Variants in MITF observed in about 807,000 individuals in gnomAD.
MITF encodes microphthalmia-associated transcription factor.
MITF carries 17 observed loss-of-function variants against 60.5 expected under a neutral mutation model. The ratio of observed to expected loss-of-function variants is 0.28; its 90% CI spans 0.19 to 0.42. The LOEUF is 0.42. Among genes scored for constraint, MITF ranks in the 10% least tolerant of loss-of-function variants. The pLI is 1.00. For missense variants in MITF, 622 were observed against 683.5 expected, an observed-to-expected ratio of 0.91 and a Z score of 1.00; for synonymous variants, 260 against 248.5, an observed-to-expected ratio of 1.05 and a Z score of -0.43.
chr3:69,870,748 T>G (rs1301391907), intron 1 of MITF, among the ~76,000 whole-genome samples: 4 of 152,156 alleles, frequency 2.6e-5, no homozygotes, highest in Non-Finnish European at 4.4e-5. Context: ...GCACTTCTGT[T>G]ATCTACTTAA....
rs112806519 is a variant in MITF at position 69,786,880 on chromosome 3, C to A, written c.104+47179C>A. Among the ~76,000 whole-genome samples, 648 of 152,286 alleles carry A rather than the reference C, an allele frequency of 4.3e-3. 6 individuals are homozygous for A. Among genetic ancestry groups the A allele is most frequent in the African/African-American group, 0.014 (598 of 41,538 alleles). On this transcript the variant is annotated intron_variant, in intron 1 of 9. Coordinates refer to ENST00000352241, the MANE Select transcript of MITF (RefSeq NM_001354604.2). ...TTCATTTAGGTGAAGAGTCCACATC[C>A]TTTTGGACTTGCTTTGAGTATCATG...
intron 1 of MITF, among the ~76,000 whole-genome samples, chr3:69,829,243 A>T (rs2107087579): frequency 6.6e-6 from 1 of 152,310 alleles, no homozygotes; most frequent in South Asian, 2.1e-4. Flanking sequence ...AGTTAAAAAG[A>T]CAAACAAACT....
At chr3:69,792,781 A>G (rs942819117) in intron 1 of MITF, among the ~76,000 whole-genome samples, 2 of 151,936 alleles carry the variant, frequency 1.3e-5, no homozygotes, top group Non-Finnish European at 2.9e-5. Context: ...TTTTATCACA[A>G]TTTATTCATA....
intron 2 of MITF, among the ~76,000 whole-genome samples, chr3:69,928,716 A>C (rs2065649144): frequency 6.6e-6 from 1 of 152,118 alleles, no homozygotes; most frequent in Admixed American, 6.5e-5. Flanking sequence ...AAAACTCCCA[A>C]TTTTTCATCA....
intron 1 of MITF, among the ~76,000 whole-genome samples, chr3:69,788,737 C>T (rs2062692430): frequency 6.6e-6 from 1 of 152,136 alleles, no homozygotes; most frequent in Non-Finnish European, 1.5e-5. Context: ...GTGGTATTGA[C>T]ATAAAGACAC....
At chr3:69,938,242 A>ACATGACGGGAGACCTGGCCCTCT in intron 3 of MITF, 193 bp downstream of exon 3, 1 of 1,141,758 alleles carries the variant, frequency 8.8e-7, no homozygotes. Flanking sequence ...GGTGTAGAGC[A>ACATGACGGGAGACCTGGCCCTCT]CATGACGGGA....
rs554865118 is a variant in MITF at position 69,948,087 on chromosome 3, A to G, written c.763-964A>G. On this transcript the variant is annotated intron_variant, in intron 5 of 9. Transcript: ENST00000352241. ...AAGAAATGGGAGGGCTAAACGACTT[A>G]AAGTCTTACCCAGTAATCATGGTTA... Among the ~76,000 whole-genome samples, 134 of 152,326 alleles carry G rather than the reference A, an allele frequency of 8.8e-4. 1 individual carries two copies. Among genetic ancestry groups the G allele is most frequent in the African/African-American group, 3.0e-3 (126 of 41,574 alleles).
At chr3:69,883,689 G>A (rs868504537) in intron 2 of MITF, among the ~76,000 whole-genome samples, 72 of 152,276 alleles carry the variant, frequency 4.7e-4, no homozygotes, top group African/African-American at 1.7e-3. Context: ...CATGGTGGCT[G>A]CAAGAAGCCA....
intron 3 of MITF, 114 bp from the exon 4 acceptor site, chr3:69,938,982 CTT>C: frequency 6.5e-7 from 1 of 1,546,084 alleles, no homozygotes; most frequent in Non-Finnish European, 8.7e-7. Flanking sequence ...TCAGATTCCA[CTT>C]TGTTTGAAAG....
At chr3:69,805,540 C>G (rs75308677) in intron 1 of MITF, among the ~76,000 whole-genome samples, 21,622 of 152,074 alleles carry the variant, frequency 0.14, 1,772 homozygotes, top group South Asian at 0.2. Flanking sequence ...TTGTTGTTAT[C>G]TTTTCCGCTG....
chr3:69,799,517 G>A (rs948533259), intron 1 of MITF, among the ~76,000 whole-genome samples: 3 of 152,060 alleles, frequency 2.0e-5, no homozygotes, highest in Non-Finnish European at 2.9e-5. Flanking sequence ...AGGATGCCAC[G>A]TCTATCTGTT....
intron 1 of MITF, among the ~76,000 whole-genome samples, chr3:69,786,105 A>G (rs113428427): frequency 3.7e-4 from 56 of 152,368 alleles, no homozygotes; most frequent in African/African-American, 1.3e-3. Flanking sequence ...GTATGCTTTA[A>G]GTAGCACATT....
intron 2 of MITF, chr3:69,936,586 G>A: frequency 6.6e-7 from 1 of 1,522,398 alleles, no homozygotes; most frequent in African/African-American, 1.4e-5. Flanking sequence ...CTGTGATAAA[G>A]TTTCCGGTGG....
At chr3:69,947,842 C>T (rs969024002) in intron 5 of MITF, among the ~76,000 whole-genome samples, 8 of 152,068 alleles carry the variant, frequency 5.3e-5, no homozygotes, top group Admixed American at 2.0e-4. Context: ...GAGGCTATCA[C>T]AGAAATAGAT....
In MITF at chr3:69,965,127, A is replaced by T; in HGVS notation, c.1460A>T (p.Asp487Val). Reference protein sequence around the residue: ...MGSKLEDILMDDTLSPVGVTD... With the variant: ...MGSKLEDILMVDTLSPVGVTD... Reference sequence around the variant, plus strand: ...TCCAAACTGGAAGACATCCTGATGGACGACACCCTTTCTCCCGTCGGTGTC... The same window carrying T: ...TCCAAACTGGAAGACATCCTGATGGTCGACACCCTTTCTCCCGTCGGTGTC... The change falls in exon 10 of 10, where the codon GAC becomes GTC. Residue 487 changes from aspartate to valine, a missense_variant. By Grantham distance (152) the Asp-to-Val change is radical (BLOSUM62 -3). Around this residue, in one of 5 missense-constraint regions of MITF, gnomAD observed 224 missense variants for 209.5 expected, o/e 1.07. Transcript: ENST00000352241. 1.9e-6 allele frequency: 3 copies of T among 1,614,108 alleles called. No homozygotes were observed. The highest frequency in any genetic ancestry group is 2.5e-6 in the Non-Finnish European group (3 of 1,180,020).
At chr3:69,786,343 C>G (rs953684539) in intron 1 of MITF, among the ~76,000 whole-genome samples, 1 of 152,204 alleles carries the variant, frequency 6.6e-6, no homozygotes, top group Non-Finnish European at 1.5e-5. Context: ...CTGCTTCTGT[C>G]TGCTTTACGG....
At chr3:69,840,946 G>A (rs2063626392) in intron 1 of MITF, among the ~76,000 whole-genome samples, 1 of 152,100 alleles carries the variant, frequency 6.6e-6, no homozygotes, top group South Asian at 2.1e-4. Context: ...AGTAGAGATG[G>A]GGGTTCACCA....
chr3:69,897,526 G>T (rs2064902817), intron 2 of MITF, among the ~76,000 whole-genome samples: 1 of 152,170 alleles, frequency 6.6e-6, no homozygotes, highest in Non-Finnish European at 1.5e-5. Flanking sequence ...AGTTTTATTA[G>T]AATACAGTCA....
chr3:69,831,855 GGA>G, intron 1 of MITF, among the ~76,000 whole-genome samples: 1 of 152,284 alleles, frequency 6.6e-6, no homozygotes, highest in South Asian at 2.1e-4. Flanking sequence ...AGCAGAGAAG[GGA>G]GAGTTTGTTG....
Sources: allele counts gnomAD v4.1 joint callset (sites outside exome capture counted in the v4.1 genomes callset), GRCh38; gene constraint gnomAD v4.1.1; regional missense constraint gnomAD v4.1.1; transcripts MANE v1.5; gene names NCBI Gene and HGNC (gene_info 2026-07-23, HGNC 2026-07-21).